CPEB2: variants seen among roughly 807,000 people sequenced by gnomAD.
CPEB2 encodes cytoplasmic polyadenylation element-binding protein 2.
In CPEB2, 56 loss-of-function variants were observed where a neutral mutation model predicts 93.6. That is an observed-to-expected ratio of 0.60 (90% CI 0.48 to 0.75). The LOEUF (loss-of-function observed/expected upper bound fraction) is 0.75, where lower values mean the gene tolerates loss of function less well. Ranked by LOEUF, CPEB2 falls within the 30% of genes least tolerant of loss-of-function variation. CPEB2 has a pLI of 0.00. For synonymous variants in CPEB2, 764 were observed against 586.3 expected (o/e 1.30, Z -4.38); for missense variants, 1,579 against 1,395.1 (o/e 1.13, Z -2.10).
chr4:15,052,035 C>G (rs1560248425), intron 6 of CPEB2, among the ~76,000 whole-genome samples: 1 of 152,120 alleles, frequency 6.6e-6, no homozygotes, highest in Admixed American at 6.5e-5. Context: ...ATCCCCTTAT[C>G]TATTTAGTCT....
At chr4:15,051,474 G>T (rs1728211318) in intron 6 of CPEB2, among the ~76,000 whole-genome samples, 1 of 152,060 alleles carries the variant, frequency 6.6e-6, no homozygotes, top group Non-Finnish European at 1.5e-5. Context: ...AAAATTTACT[G>T]AAAACCATGT....
chr4:15,046,787 C>T (rs1340400816), intron 6 of CPEB2, among the ~76,000 whole-genome samples: 1 of 152,090 alleles, frequency 6.6e-6, no homozygotes, highest in Non-Finnish European at 1.5e-5. Flanking sequence ...CACTTTTTAA[C>T]AGTATCTTTG....
rs183118997 is a variant in CPEB2, at chr4:15,064,438, T to C, written c.2878-1715T>C. Among the ~76,000 whole-genome samples, 262 of 152,160 alleles carry C rather than the reference T, an allele frequency of 1.7e-3. 1 individual carries two copies. Among genetic ancestry groups the C allele is most frequent in the Non-Finnish European group, 2.8e-3 (193 of 67,976 alleles). On this transcript the variant is annotated intron_variant, in intron 11 of 11. Coordinates refer to ENST00000538197, the MANE Select transcript of CPEB2 (RefSeq NM_001177382.2). ...CTAGAATTTTAAAAATACAAATAAT[T>C]GAAATCATTGCATTTGTGAAATTTT...
At chr4:15,019,787 A>G (rs540056032) in intron 4 of CPEB2, among the ~76,000 whole-genome samples, 11 of 152,120 alleles carry the variant, frequency 7.2e-5, no homozygotes, top group Non-Finnish European at 1.3e-4. Context: ...TGCTGAAAAT[A>G]TCTAGGAAAA....
chr4:15,004,294 G>T lies in CPEB2; in HGVS notation c.1621G>T (p.Ala541Ser), dbSNP rs1434347675. Residue 541 changes from alanine to serine, a missense_variant, in exon 1 of 12, where the codon GCC (alanine) becomes TCC (serine). Physicochemically the swap from Ala to Ser is moderately conservative, Grantham distance 99. Transcript: ENST00000538197. ...QLQQQHQAAA[A>S]AFLQQRNSYN... is the part of the protein sequence containing the mutation. The stretch of plus-strand genomic sequence containing the variant: ...CCAGCAGCAGCACCAGGCGGCGGCC[G>T]CCGCCTTCCTGCAGCAGAGGAACTC... The T allele has an allele frequency of 1.3e-6, 2 of 1,489,948 alleles. No homozygotes were observed. The highest frequency in any genetic ancestry group is 2.9e-5 in the African/African-American group (2 of 68,186). 92.3% of individuals were successfully genotyped at this position (1,489,948 alleles called of 1,614,324 possible). A position where few individuals can be genotyped will look rare whatever the true frequency, so the allele number is the denominator to read the frequency against.
At chr4:15,018,583 G>C (rs1190831786) in intron 4 of CPEB2, among the ~76,000 whole-genome samples, 2 of 150,360 alleles carry the variant, frequency 1.3e-5, no homozygotes, top group Admixed American at 1.3e-4. Context: ...CAGTTTCAGT[G>C]GTTTGTCTTA....
intron 3 of CPEB2, among the ~76,000 whole-genome samples, chr4:15,011,545 A>G (rs1476078880): frequency 6.6e-6 from 1 of 152,192 alleles, no homozygotes; most frequent in African/African-American, 2.4e-5. Context: ...AGCAATGTGC[A>G]CTACTTGGAA....
Position 15,033,163 on chromosome 4 carries a change from C to G in CPEB2, c.2128C>G (p.Arg710Gly). 1 of 1,602,030 alleles carries G rather than the reference C, an allele frequency of 6.2e-7. No homozygotes were observed. The highest frequency in any genetic ancestry group is 8.5e-7 in the Non-Finnish European group (1 of 1,171,172). Residue 710 changes from arginine (R) to glycine (G), a missense_variant and splice_region_variant, in exon 5 of 12, where the codon CGA (arginine) becomes GGA (glycine). Around this residue, in one of 2 missense-constraint regions of CPEB2, gnomAD observed 1,411 missense variants for 1,056.0 expected, o/e 1.34. Transcript: ENST00000538197. ...TCACCTTTCCTGTCTTTTTAAAGGT[C>G]GATTGAGCTATCCACATCCAGGAAC... ...MRAEHDPLKGRLSYPHPGTDN... is the reference protein window; with the variant it reads ...MRAEHDPLKGGLSYPHPGTDN...
At position 15,003,248 on chromosome 4, in the gene CPEB2, A is replaced by G. The variant is rs1312328628; in HGVS notation, c.575A>G (p.Asp192Gly). 5.9e-6 allele frequency: 9 copies of G among 1,519,008 alleles called. No individual in the cohort carries two copies. In the East Asian group the frequency reaches 1.3e-4, roughly 22 times the overall value. 94.1% of individuals were successfully genotyped at this position (1,519,008 alleles called of 1,614,324 possible). ...CCTCCCCACCTTCCCCACCCTCCGGACTCGAAGCCGCCGCCGCCGCCTCCG... is the reference window on the plus strand; with the variant it reads ...CCTCCCCACCTTCCCCACCCTCCGGGCTCGAAGCCGCCGCCGCCGCCTCCG... ...FSPPHLPHPP[D>G]SKPPPPPPPL... is the part of the protein sequence containing the mutation. The change falls in exon 1 of 12, where the codon GAC (aspartate) becomes GGC (glycine). Residue 192 changes from aspartate to glycine, a missense_variant. Around this residue, in one of 2 missense-constraint regions of CPEB2, gnomAD observed 1,411 missense variants for 1,056.0 expected, o/e 1.34. Transcript: ENST00000538197.
At chr4:15,065,662 A>G (rs1271657654) in intron 11 of CPEB2, among the ~76,000 whole-genome samples, 1 of 152,040 alleles carries the variant, frequency 6.6e-6, no homozygotes, top group Non-Finnish European at 1.5e-5. Context: ...TTATAAATTT[A>G]CAGAAGTCTA....
At chr4:15,022,006 A>G (rs1577392670) in intron 4 of CPEB2, among the ~76,000 whole-genome samples, 1 of 152,196 alleles carries the variant, frequency 6.6e-6, no homozygotes, top group South Asian at 2.1e-4. Context: ...ATATAAGATT[A>G]CAATACCAAG....
At chr4:15,058,359 C>T (rs1577465389) in intron 8 of CPEB2, 62 bp from the exon 9 acceptor site, 1 of 866,436 alleles carries the variant, frequency 1.2e-6, no homozygotes, top group East Asian at 2.6e-5. Flanking sequence ...CTAAATAGTA[C>T]TGAAATTTGG....
chr4:15,059,239 C>T lies in CPEB2; in HGVS notation c.2633C>T (p.Ser878Phe). ...GATAGTGATTTTGTAATGGATGGTT[C>T]TCAGCCTTTGGATCCCCGAAAAACA... ...LSDSDFVMDG[S>F]QPLDPRKTIF... Residue 878 changes from serine (S) to phenylalanine (F), a missense_variant, in exon 10 of 12, where the codon TCT (serine) becomes TTT (phenylalanine). Coordinates refer to ENST00000538197, the MANE Select transcript of CPEB2 (RefSeq NM_001177382.2). 2 of 1,613,194 alleles carry T rather than the reference C, an allele frequency of 1.2e-6. No homozygotes were observed. The highest frequency in any genetic ancestry group is 1.7e-6 in the Non-Finnish European group (2 of 1,179,366).
intron 4 of CPEB2, among the ~76,000 whole-genome samples, chr4:15,027,321 GAATCTAAAGT>G (rs1264966242): frequency 6.6e-6 from 1 of 152,210 alleles, no homozygotes; most frequent in Non-Finnish European, 1.5e-5. Flanking sequence ...AATTTCAGTT[GAATCTAAAGT>G]AGATTGATGG....
chr4:15,042,618 A>T (rs1185840992), intron 6 of CPEB2, among the ~76,000 whole-genome samples: 1 of 152,208 alleles, frequency 6.6e-6, no homozygotes, highest in Non-Finnish European at 1.5e-5. Flanking sequence ...CTAGCAGTCT[A>T]CTTTTAAAAT....
At chr4:15,018,731 A>T (rs1299081626) in intron 4 of CPEB2, among the ~76,000 whole-genome samples, 1 of 150,710 alleles carries the variant, frequency 6.6e-6, no homozygotes, top group East Asian at 1.9e-4. Flanking sequence ...ACCAGTGGAT[A>T]ATAAAAGTTT....
chr4:15,045,377 ATG>A (rs1727563739), intron 6 of CPEB2, among the ~76,000 whole-genome samples: 1 of 152,122 alleles, frequency 6.6e-6, no homozygotes, highest in South Asian at 2.1e-4. Flanking sequence ...ACCTGTACAT[ATG>A]TGTGTATATA....
In CPEB2 at chr4:15,022,116, A is replaced by T. The variant is rs527566835; in HGVS notation, c.2125+4838A>T. 7.2e-5 allele frequency among the ~76,000 whole-genome samples: 11 copies of T among 152,276 alleles called. No individual in the cohort carries two copies. In the East Asian group the frequency reaches 2.1e-3, roughly 29 times the overall value. On this transcript the variant is annotated intron_variant, in intron 4 of 11. Transcript: ENST00000538197. The stretch of plus-strand genomic sequence containing the variant: ...GCCAGACAGAGGTTCTCAGACACTG[A>T]GACTGTGTCAACCATGTGGTTTTCA...
chr4:15,038,703 C>T (rs572785063), intron 5 of CPEB2, among the ~76,000 whole-genome samples: 2 of 151,944 alleles, frequency 1.3e-5, no homozygotes, highest in Admixed American at 6.6e-5. Context: ...ACTCTCCTGT[C>T]TCAGCCTCAT....
Sources: gnomAD v4.1 joint callset for allele counts (sites outside exome capture counted in the v4.1 genomes callset) on GRCh38, gnomAD v4.1.1 for gene constraint, gnomAD v4.1.1 regional missense constraint, MANE v1.5 for transcripts, NCBI Gene and HGNC (gene_info 2026-07-23, HGNC 2026-07-21) for gene names.